ZZEF1: variants seen among roughly 807,000 people sequenced by gnomAD.
ZZEF1 encodes the protein zinc finger ZZ-type and EF-hand domain-containing protein 1.
A neutral mutation model predicts 342.8 loss-of-function variants in ZZEF1; 157 were observed. The ratio of observed to expected loss-of-function variants is 0.46; its 90% confidence interval spans 0.40 to 0.52. The LOEUF (loss-of-function observed/expected upper bound fraction) is 0.52. Ranked by LOEUF, ZZEF1 falls within the 20% of genes least tolerant of loss-of-function variation. The probability of loss-of-function intolerance (pLI) is 0.00; values close to 1 mark genes in which losing one functional copy is unlikely to be tolerated. For missense variants in ZZEF1, 3,480 were observed against 3,725.6 expected (o/e 0.93, Z 1.72); for synonymous variants, 1,505 against 1,429.1 (o/e 1.05, Z -1.20).
intron 9 of ZZEF1, among the ~76,000 whole-genome samples, chr17:4,099,749 T>C (rs1234635091): frequency 6.6e-6 from 1 of 152,104 alleles, no homozygotes; most frequent in African/African-American, 2.4e-5. Context: ...TTTCACCATG[T>C]TGGCCAGGCT....
In ZZEF1 at chr17:4,114,479, G is replaced by T. The variant is rs563096093; in HGVS notation, c.695-9C>A. The T allele has an allele frequency of 6.7e-7, 1 of 1,500,776 alleles. No homozygotes were observed. The highest frequency in any genetic ancestry group is 2.2e-5 in the Admixed American group (1 of 44,644). 93.0% of individuals were successfully genotyped at this position (1,500,776 alleles called of 1,614,324 possible). On this transcript the variant is annotated splice_polypyrimidine_tract_variant and intron_variant, in intron 3 of 54. Coordinates refer to ENST00000381638, the MANE Select transcript of ZZEF1 (RefSeq NM_015113.4). ...TAGATCTCCAGGGCTTTCTGTAGGG[G>T]AAACCAGAGTTGATTATATGACATC...
intron 40 of ZZEF1, 73 bp downstream of exon 40, chr17:4,033,942 C>T: frequency 6.4e-7 from 1 of 1,568,018 alleles, no homozygotes; most frequent in Non-Finnish European, 8.7e-7. Context: ...AACAGCCAGA[C>T]CTTCAACTTA....
At chr17:4,123,446 C>T (rs149808876) in intron 2 of ZZEF1, among the ~76,000 whole-genome samples, 95 of 151,654 alleles carry the variant, frequency 6.3e-4, no homozygotes, top group Middle Eastern at 6.8e-3. Flanking sequence ...TAAGTGCTTA[C>T]CACATGCCAA....
chr17:4,008,590 C>T lies in ZZEF1; in HGVS notation c.8805+293G>A. ...ACATCTAAAAATATGTGAAATCTAA[C>T]TCCACGGAAACTTCAAGAATCAGCC... On this transcript the variant is annotated intron_variant, in intron 54 of 54. Coordinates refer to ENST00000381638, the MANE Select transcript of ZZEF1 (RefSeq NM_015113.4). This position sits in a 1 kb window ranked among gnomAD's most constrained non-coding sequence, Gnocchi z 4.2. 1 of 1,147,358 alleles carries T rather than the reference C, an allele frequency of 8.7e-7. No individual in the cohort carries two copies. The highest frequency in any genetic ancestry group is 1.1e-6 in the Non-Finnish European group (1 of 932,118). 71.1% of individuals were successfully genotyped at this position (1,147,358 alleles called of 1,614,324 possible). A position where few individuals can be genotyped will look rare whatever the true frequency, so the allele number is the denominator to read the frequency against.
Position 4,008,669 on chromosome 17 carries a change from A to T in ZZEF1, c.8805+214T>A, listed in dbSNP as rs1163651759. ...GGTTTTAAAGACACAAATTCTTCTG[A>T]CCCCACAGTTTAGAGTGAATGACTC... On this transcript the variant is annotated intron_variant, in intron 54 of 54. Transcript: ENST00000381638. The surrounding 1 kb of genome is among the most constrained non-coding windows in gnomAD (Gnocchi z 4.2). The T allele has an allele frequency of 7.9e-7, 1 of 1,258,850 alleles. No individual in the cohort carries two copies. Among genetic ancestry groups the T allele is most frequent in the Non-Finnish European group, 1.0e-6 (1 of 1,001,236 alleles). The allele number at this position is 1,258,850 out of a possible 1,614,324, so 78.0% of individuals were successfully genotyped here. A position where few individuals can be genotyped will look rare whatever the true frequency, so the allele number is the denominator to read the frequency against.
At chr17:4,032,292 T>G (rs749730370) in intron 41 of ZZEF1, 34 bp from the exon 42 acceptor site, 40 of 1,597,646 alleles carry the variant, frequency 2.5e-5, no homozygotes, top group Middle Eastern at 1.7e-4. Context: ...GAAAGGCAAC[T>G]CAAACATGGA....
At chr17:4,076,384 C>T (rs959044926) in intron 21 of ZZEF1, 5 of 254,406 alleles carry the variant, frequency 2.0e-5, no homozygotes, top group African/African-American at 6.7e-5. Flanking sequence ...CCGCCCGCCT[C>T]GGCCTCCCAA....
intron 34 of ZZEF1, among the ~76,000 whole-genome samples, chr17:4,053,815 C>A (rs1423666273): frequency 6.6e-6 from 1 of 152,150 alleles, no homozygotes; most frequent in East Asian, 1.9e-4. Flanking sequence ...ATACACTGGT[C>A]CCGAGTGTTT....
intron 20 of ZZEF1, 46 bp downstream of exon 20, chr17:4,076,822 C>T: frequency 1.2e-6 from 2 of 1,612,872 alleles, no homozygotes; most frequent in Non-Finnish European, 1.7e-6. Context: ...ATGCAGACCC[C>T]CAACCCCCTT....
intron 29 of ZZEF1, 95 bp downstream of exon 29, chr17:4,064,266 T>C: frequency 1.1e-6 from 1 of 948,884 alleles, no homozygotes; most frequent in Admixed American, 2.3e-5. Context: ...CTAAATATTA[T>C]TTGTTCGTTT....
chr17:4,065,217 T>G (rs1020531121), intron 28 of ZZEF1, among the ~76,000 whole-genome samples: 2 of 151,824 alleles, frequency 1.3e-5, no homozygotes, highest in African/African-American at 4.8e-5. Context: ...GGTAACATGG[T>G]GAAACCCAAT....
intron 1 of ZZEF1, among the ~76,000 whole-genome samples, chr17:4,135,470 T>C (rs937801810): frequency 1.2e-5 from 1 of 81,718 alleles, no homozygotes; most frequent in African/African-American, 3.1e-5. Context: ...CAAGACTCCA[T>C]CTTAAAAAAA....
At chr17:4,030,152 G>T (rs907410574) in intron 42 of ZZEF1, among the ~76,000 whole-genome samples, 3 of 151,894 alleles carry the variant, frequency 2.0e-5, no homozygotes, top group African/African-American at 7.2e-5. Flanking sequence ...AGAAATAAAA[G>T]AAAAATGAAT....
At chr17:4,096,536 T>C (rs2058036511) in intron 10 of ZZEF1, 73 bp downstream of exon 10, 4 of 1,252,562 alleles carry the variant, frequency 3.2e-6, no homozygotes, top group South Asian at 2.5e-5. Flanking sequence ...CAAATATATA[T>C]ACCTACTATG....
intron 9 of ZZEF1, among the ~76,000 whole-genome samples, chr17:4,101,103 A>T (rs1219203165): frequency 6.6e-6 from 1 of 152,206 alleles, no homozygotes; most frequent in African/African-American, 2.4e-5. Context: ...GTTTCTGCAC[A>T]GGCTGAGCTG....
rs2057358894 is a variant in ZZEF1, at chr17:4,064,795, T to C, written c.4284A>G (p.Leu1428=). The change falls in exon 29 of 55, where the codon CTA becomes CTG. Residue 1428 remains leucine, a synonymous_variant. Coordinates refer to ENST00000381638, the MANE Select transcript of ZZEF1 (RefSeq NM_015113.4). ...AACTTATGCCCGTGGGCAGAAATTT[T>C]AGTAATAGAAGACTCTTCTCAATGC... ...KECIEKSLLL[L]KFLPTGISSK... 1 of 1,605,352 alleles carries C rather than the reference T, an allele frequency of 6.2e-7. No homozygotes were observed. Among genetic ancestry groups the C allele is most frequent in the Non-Finnish European group, 8.5e-7 (1 of 1,177,156 alleles).
Position 4,071,377 on chromosome 17 carries a change from A to T in ZZEF1, c.3835-453T>A, listed in dbSNP as rs116310321. The T allele has an allele frequency of 8.3e-3, 1,312 of 158,820 alleles. 17 individuals are homozygous for T. Among genetic ancestry groups the T allele is most frequent in the African/African-American group, 0.03 (1,252 of 41,582 alleles). 9.8% of individuals were successfully genotyped at this position (158,820 alleles called of 1,614,324 possible). ...TCAGCTGGGGAGTGATGGGAACTAG[A>T]GTCAGATAGGTAAGGTGAAAGGAGA... On this transcript the variant is annotated intron_variant, in intron 25 of 54. Transcript: ENST00000381638.
chr17:4,034,344 CT>C, intron 39 of ZZEF1, 52 bp from the exon 40 acceptor site: 1 of 1,590,872 alleles, frequency 6.3e-7, no homozygotes, highest in African/African-American at 1.3e-5. Context: ...CATAACCAAA[CT>C]TGCTAAATAT....
intron 9 of ZZEF1, among the ~76,000 whole-genome samples, chr17:4,101,790 C>G (rs1040604110): frequency 6.6e-6 from 1 of 152,112 alleles, no homozygotes; most frequent in African/African-American, 2.4e-5. Flanking sequence ...ACCACAACAG[C>G]TAATTTTTGT....
Sources: gnomAD v4.1 joint callset for allele counts (sites outside exome capture counted in the v4.1 genomes callset) on GRCh38, gnomAD v4.1.1 for gene constraint, Gnocchi (gnomAD v3.1) non-coding constraint, MANE v1.5 for transcripts, NCBI Gene and HGNC (gene_info 2026-07-23, HGNC 2026-07-21) for gene names.